SLC9A7: variants seen among roughly 807,000 people sequenced by gnomAD.
SLC9A7 encodes the protein sodium/hydrogen exchanger 7.
Under a neutral mutation model 52.6 loss-of-function variants are expected in SLC9A7, and 19 were observed. The ratio of observed to expected loss-of-function variants is 0.36; its 90% CI spans 0.25 to 0.53. The LOEUF is 0.53. Among genes scored for constraint, SLC9A7 ranks in the 20% least tolerant of loss-of-function variants. The pLI, the probability that SLC9A7 is intolerant of heterozygous loss-of-function variation, is 0.91. For synonymous variants in SLC9A7, 226 were observed against 252.1 expected (o/e 0.90, Z 0.98); for missense variants, 455 against 597.9 (o/e 0.76, Z 2.49).
chrX:46,622,714 C>T (rs1377462221), intron 14 of SLC9A7, among the ~76,000 whole-genome samples: 1 of 111,690 alleles, frequency 9.0e-6, no homozygotes, highest in Admixed American at 9.5e-5. Context: ...AAGAAAGCTA[C>T]AAGAACCCCG....
At chrX:46,706,926 A>C (rs1944614235) in intron 1 of SLC9A7, among the ~76,000 whole-genome samples, 1 of 111,315 alleles carries the variant, frequency 9.0e-6, no homozygotes, top group Non-Finnish European at 1.9e-5. Flanking sequence ...TTTTTAATAG[A>C]GGTGGGGTTT....
In SLC9A7 at chrX:46,603,211, C is replaced by T. The variant is rs184044017; in HGVS notation, c.*3741G>A. The T allele has an allele frequency of 1.8e-5, 2 of 111,311 alleles. No homozygotes were observed. Among genetic ancestry groups the T allele is most frequent in the African/African-American group, 6.5e-5 (2 of 30,598 alleles). The allele number at this position is 111,311 out of a possible 1,213,427, so 9.2% of individuals were successfully genotyped here. On this transcript the variant is annotated 3_prime_UTR_variant, in exon 17 of 17. Coordinates refer to ENST00000616978, the MANE Select transcript of SLC9A7 (RefSeq NM_001257291.2). ...CCTGCCCTATACAAACCATCCCCAA[C>T]CCACCTTGTTTACATTGGAACTACA...
chrX:46,608,079 C>A (rs1383424327), intron 16 of SLC9A7, among the ~76,000 whole-genome samples: 1 of 112,444 alleles, frequency 8.9e-6, no homozygotes, highest in African/African-American at 3.2e-5. Context: ...GCCTCCAGGG[C>A]GCCGAACTGG....
At chrX:46,636,324 A>G (rs1423626493) in intron 12 of SLC9A7, among the ~76,000 whole-genome samples, 1 of 111,088 alleles carries the variant, frequency 9.0e-6, no homozygotes, top group Non-Finnish European at 1.9e-5. Context: ...AGGGTTTCGT[A>G]AACTCGGCAG....
chrX:46,668,892 G>A (rs1167884669), intron 5 of SLC9A7, among the ~76,000 whole-genome samples: 1 of 111,718 alleles, frequency 9.0e-6, no homozygotes, highest in Non-Finnish European at 1.9e-5. Context: ...GATAGGCTGG[G>A]CACGGTGGCT....
intron 2 of SLC9A7, among the ~76,000 whole-genome samples, chrX:46,680,005 A>G (rs1793100545): frequency 8.9e-6 from 1 of 111,987 alleles, no homozygotes; most frequent in Admixed American, 9.5e-5. Flanking sequence ...AAGACACAAC[A>G]GTTTCATGCA....
intron 7 of SLC9A7, among the ~76,000 whole-genome samples, chrX:46,660,028 A>G (rs1442923829): frequency 9.1e-6 from 1 of 109,815 alleles, no homozygotes; most frequent in African/African-American, 3.3e-5. Flanking sequence ...AGAGATATAG[A>G]TCAATGGAAC....
chrX:46,755,469 T>C (rs1427082919), intron 1 of SLC9A7, among the ~76,000 whole-genome samples: 5 of 110,378 alleles, frequency 4.5e-5, no homozygotes, highest in Admixed American at 9.7e-5. Flanking sequence ...ATGAAGAAAA[T>C]TGATAACATA....
At chrX:46,681,024 A>T in intron 2 of SLC9A7, among the ~76,000 whole-genome samples, 1 of 112,240 alleles carries the variant, frequency 8.9e-6, no homozygotes, top group Non-Finnish European at 1.9e-5. Flanking sequence ...ACAAACTAGC[A>T]CAAGGGTTTT....
intron 13 of SLC9A7, among the ~76,000 whole-genome samples, 153 bp downstream of exon 13, chrX:46,635,436 T>C (rs1166801218): frequency 8.9e-6 from 1 of 112,037 alleles, no homozygotes; most frequent in Non-Finnish European, 1.9e-5. Flanking sequence ...AAAAAATGAT[T>C]AGAATTGACT....
At chrX:46,728,109 T>C (rs1240701293) in intron 1 of SLC9A7, among the ~76,000 whole-genome samples, 2 of 111,616 alleles carry the variant, frequency 1.8e-5, no homozygotes, top group Non-Finnish European at 3.8e-5. Flanking sequence ...TAAGAATGTA[T>C]TAAGATAAAC....
chrX:46,725,505 G>A (rs886816824), intron 1 of SLC9A7: 16 of 972,482 alleles, frequency 1.6e-5, no homozygotes, highest in East Asian at 1.5e-4. Flanking sequence ...AGCATCAACC[G>A]TGGTCTTGGT....
At chrX:46,661,220 T>G (rs1194113417) in intron 7 of SLC9A7, among the ~76,000 whole-genome samples, 3 of 93,655 alleles carry the variant, frequency 3.2e-5, no homozygotes, top group Admixed American at 1.2e-4. Flanking sequence ...TGGGGACTGT[T>G]GTGGGGTGGG....
chrX:46,694,028 T>TA (rs1197534935), intron 1 of SLC9A7, among the ~76,000 whole-genome samples: 2 of 110,753 alleles, frequency 1.8e-5, no homozygotes, highest in Non-Finnish European at 1.9e-5. Context: ...ATGAGAATAA[T>TA]AGATATGATG....
chrX:46,681,969 C>A (rs1329835473), intron 2 of SLC9A7, among the ~76,000 whole-genome samples: 4 of 111,962 alleles, frequency 3.6e-5, no homozygotes, highest in Admixed American at 2.8e-4. Flanking sequence ...AAAGTGAAAT[C>A]AATCTTATTT....
rs1350651340 is a variant in SLC9A7, at chrX:46,660,985, T to C, written c.1041+1031A>G. ...TGGAACCAACCCAAATGTCCAACAA[T>C]GATAGACTGGATTAAGAAAATGTGG... On this transcript the variant is annotated intron_variant, in intron 7 of 16. Coordinates refer to ENST00000616978, the MANE Select transcript of SLC9A7 (RefSeq NM_001257291.2). Among the ~76,000 whole-genome samples, 364 of 109,558 alleles carry C rather than the reference T, an allele frequency of 3.3e-3. 1 individual carries two copies. The highest frequency in any genetic ancestry group is 0.011 in the African/African-American group (337 of 30,049).
At chrX:46,711,301 C>T (rs1206049878) in intron 1 of SLC9A7, among the ~76,000 whole-genome samples, 1 of 112,797 alleles carries the variant, frequency 8.9e-6, no homozygotes, top group Non-Finnish European at 1.9e-5. Context: ...GGGTAAAAGT[C>T]ACTGTTAAAA....
chrX:46,672,876 G>T (rs1290574900), intron 3 of SLC9A7, among the ~76,000 whole-genome samples: 1 of 112,182 alleles, frequency 8.9e-6, no homozygotes, highest in Non-Finnish European at 1.9e-5. Context: ...AAACTGCTCT[G>T]GATGATTACA....
chrX:46,725,060 C>T (rs988194157), intron 1 of SLC9A7: 38 of 476,061 alleles, frequency 8.0e-5, no homozygotes, highest in Non-Finnish European at 1.2e-4. Context: ...AGGAAAGAAA[C>T]GTAAATCTGT....
Sources: gnomAD v4.1 joint callset for allele counts (sites outside exome capture counted in the v4.1 genomes callset) on GRCh38, gnomAD v4.1.1 for gene constraint, MANE v1.5 for transcripts, NCBI Gene and HGNC (gene_info 2026-07-23, HGNC 2026-07-21) for gene names.